CPNE4: variants seen among roughly 807,000 people sequenced by gnomAD.
CPNE4 encodes the protein copine 4, also known as copine-4.
CPNE4 carries 25 observed loss-of-function variants against 67.9 expected under a neutral mutation model. The ratio of observed to expected loss-of-function variants is 0.37; its 90% confidence interval spans 0.27 to 0.51. The LOEUF (loss-of-function observed/expected upper bound fraction) is 0.51, where lower values mean the gene tolerates loss of function less well. Among genes scored for constraint, CPNE4 ranks in the 20% least tolerant of loss-of-function variants. The pLI, the probability that CPNE4 is intolerant of heterozygous loss-of-function variation, is 0.93. For synonymous variants in CPNE4, 242 were observed against 244.9 expected (o/e 0.99, Z 0.11); for missense variants, 464 against 690.8 (o/e 0.67, Z 3.68).
intron 2 of CPNE4, among the ~76,000 whole-genome samples, chr3:131,778,815 C>T (rs1033011309): frequency 6.6e-6 from 1 of 152,018 alleles, no homozygotes; most frequent in Non-Finnish European, 1.5e-5. Flanking sequence ...TCCTATTCAA[C>T]ATAATCCTGG....
chr3:131,628,631 T>C (rs1330910653), intron 7 of CPNE4, among the ~76,000 whole-genome samples: 1 of 152,210 alleles, frequency 6.6e-6, no homozygotes, highest in Non-Finnish European at 1.5e-5. Context: ...CTTGGGAGGG[T>C]GTATGTGTCC....
At chr3:131,586,638 G>C (rs1032416843) in intron 8 of CPNE4, among the ~76,000 whole-genome samples, 3 of 152,144 alleles carry the variant, frequency 2.0e-5, no homozygotes, top group African/African-American at 7.2e-5. Context: ...CAGGCAAAGA[G>C]GTATTTCAGC....
At chr3:131,878,878 A>T (rs1345226534) in intron 2 of CPNE4, among the ~76,000 whole-genome samples, 1 of 152,240 alleles carries the variant, frequency 6.6e-6, no homozygotes, top group Non-Finnish European at 1.5e-5. Flanking sequence ...ATCAGGTGCC[A>T]GGCCTTGTTC....
chr3:131,927,907 T>C (rs12635874), intron 1 of CPNE4, among the ~76,000 whole-genome samples: 22,086 of 152,160 alleles, frequency 0.15, 2,145 homozygotes, highest in East Asian at 0.35. Context: ...ATTTTTTCTA[T>C]TTGCATTATT....
Position 131,933,445 on chromosome 3 carries a change from G to A in CPNE4, c.-1-28001C>T, listed in dbSNP as rs191579903. Reference sequence around the variant, plus strand: ...TGTTGGTGAGAAGGTAAATTAGAACGACCATTATGGAAAATGGTATGGAAG... The same window carrying A: ...TGTTGGTGAGAAGGTAAATTAGAACAACCATTATGGAAAATGGTATGGAAG... On this transcript the variant is annotated intron_variant, in intron 1 of 15. Coordinates refer to ENST00000429747, the MANE Select transcript of CPNE4 (RefSeq NM_130808.3). Among the ~76,000 whole-genome samples, 490 of 152,230 alleles carry A rather than the reference G, an allele frequency of 3.2e-3. 1 individual carries two copies. Among genetic ancestry groups the A allele is most frequent in the Non-Finnish European group, 2.9e-3 (196 of 68,006 alleles).
At chr3:132,004,183 AAT>A (rs1222335159) in intron 1 of CPNE4, among the ~76,000 whole-genome samples, 2 of 152,164 alleles carry the variant, frequency 1.3e-5, no homozygotes, top group Non-Finnish European at 2.9e-5. Context: ...TACAAAAAAA[AAT>A]AGATACTTTA....
At chr3:131,890,788 T>C (rs1312085749) in intron 2 of CPNE4, among the ~76,000 whole-genome samples, 1 of 152,132 alleles carries the variant, frequency 6.6e-6, no homozygotes, top group South Asian at 2.1e-4. Context: ...ACATCTATTA[T>C]TTGCATCTGG....
At chr3:131,878,512 G>A (rs151210136) in intron 2 of CPNE4, among the ~76,000 whole-genome samples, 8 of 152,306 alleles carry the variant, frequency 5.3e-5, no homozygotes, top group Non-Finnish European at 7.4e-5. Context: ...TTTTGGAAGC[G>A]CTGTTGATGT....
chr3:131,581,515 C>T lies in CPNE4; in HGVS notation c.867+64G>A, dbSNP rs370128228. The T allele has an allele frequency of 1.9e-5, 21 of 1,083,766 alleles. No homozygotes were observed. The African/African-American group carries it at 3.1e-4, about 16-fold the overall frequency. The allele number at this position is 1,083,766 out of a possible 1,614,324, so 67.1% of individuals were successfully genotyped here. Reference sequence around the variant, plus strand: ...ATACTCTTTTCCTCTGACCACACCACCTGAACTCTTCCTCTCAGATAGCCC... The same window carrying T: ...ATACTCTTTTCCTCTGACCACACCATCTGAACTCTTCCTCTCAGATAGCCC... On this transcript the variant is annotated intron_variant, in intron 9 of 15. Coordinates refer to ENST00000429747, the MANE Select transcript of CPNE4 (RefSeq NM_130808.3).
At chr3:132,006,017 T>A (rs1362911400) in intron 1 of CPNE4, among the ~76,000 whole-genome samples, 2 of 152,122 alleles carry the variant, frequency 1.3e-5, no homozygotes, top group Non-Finnish European at 2.9e-5. Flanking sequence ...GAAAACAGCA[T>A]CTTCCTTGCT....
chr3:131,873,322 TTTCTTTC>T (rs1413985285), intron 2 of CPNE4, among the ~76,000 whole-genome samples: 1 of 152,194 alleles, frequency 6.6e-6, no homozygotes, highest in African/African-American at 2.4e-5. Flanking sequence ...TAATGTGTGG[TTTCTTTC>T]TTCTGACTAG....
At chr3:131,781,147 T>G (rs969800201) in intron 2 of CPNE4, among the ~76,000 whole-genome samples, 2 of 152,044 alleles carry the variant, frequency 1.3e-5, no homozygotes, top group Non-Finnish European at 2.9e-5. Flanking sequence ...AACCCGGGTA[T>G]GGATAAAATA....
At chr3:131,835,393 G>A (rs1264383502) in intron 2 of CPNE4, among the ~76,000 whole-genome samples, 1 of 152,154 alleles carries the variant, frequency 6.6e-6, no homozygotes, top group Admixed American at 6.5e-5. Context: ...GCTGGGCATG[G>A]TGGGGCGTGC....
intron 15 of CPNE4, among the ~76,000 whole-genome samples, chr3:131,541,130 G>T (rs1168445542): frequency 6.6e-6 from 1 of 152,078 alleles, no homozygotes; most frequent in Non-Finnish European, 1.5e-5. Flanking sequence ...TTCACAAGAA[G>T]CACAAAACAA....
intron 2 of CPNE4, among the ~76,000 whole-genome samples, chr3:131,764,480 G>A (rs1343112814): frequency 6.6e-6 from 1 of 151,990 alleles, no homozygotes; most frequent in Admixed American, 6.6e-5. Flanking sequence ...TTGGAAGTCT[G>A]AATATGAAAA....
At chr3:131,783,767 C>A (rs776329649) in intron 2 of CPNE4, among the ~76,000 whole-genome samples, 11 of 151,890 alleles carry the variant, frequency 7.2e-5, no homozygotes, top group Non-Finnish European at 1.6e-4. Context: ...GAAAAAGGGG[C>A]AAAGCTGTGA....
intron 7 of CPNE4, among the ~76,000 whole-genome samples, chr3:131,589,412 G>A (rs1011858262): frequency 1.3e-5 from 2 of 152,214 alleles, no homozygotes; most frequent in African/African-American, 4.8e-5. Context: ...CGGCAGGCAA[G>A]CAAGGTTATA....
intron 7 of CPNE4, among the ~76,000 whole-genome samples, chr3:131,618,165 T>A (rs541218662): frequency 9.2e-5 from 14 of 152,128 alleles, no homozygotes; most frequent in Non-Finnish European, 1.8e-4. Flanking sequence ...TTTGGCTGAC[T>A]ACCCAAGGTG....
intron 6 of CPNE4, among the ~76,000 whole-genome samples, chr3:131,671,956 C>T (rs1450032855): frequency 3.3e-5 from 5 of 151,666 alleles, no homozygotes; most frequent in African/African-American, 1.2e-4. Flanking sequence ...TTATTACTTC[C>T]CTCCTCCCCT....
Sources: gnomAD v4.1 joint callset for allele counts (sites outside exome capture counted in the v4.1 genomes callset) on GRCh38, gnomAD v4.1.1 for gene constraint, MANE v1.5 for transcripts, NCBI Gene and HGNC (gene_info 2026-07-23, HGNC 2026-07-21) for gene names.